HDDC2: variants seen among roughly 807,000 people sequenced by gnomAD.
HDDC2 encodes 5'-deoxynucleotidase HDDC2.
A neutral mutation model predicts 25.5 loss-of-function variants in HDDC2; 25 were observed. The observed-to-expected ratio is 0.98, with a 90% CI of 0.72 to 1.37. The LOEUF (loss-of-function observed/expected upper bound fraction) is 1.37. HDDC2 is among the 40% of genes most tolerant of loss of function. The pLI, the probability that HDDC2 is intolerant of heterozygous loss-of-function variation, is 0.00. For synonymous variants in HDDC2, 106 were observed against 89.7 expected, an observed-to-expected ratio of 1.18 and a Z score of -1.03; for missense variants, 264 against 253.1, an observed-to-expected ratio of 1.04 and a Z score of -0.29.
At position 125,292,858 on chromosome 6, in the gene HDDC2, G is replaced by T. The variant is rs572057387; in HGVS notation, c.361C>A (p.Leu121Ile). The change falls in exon 4 of 6, where the codon CTC becomes ATC. Residue 121 changes from leucine (L) to isoleucine (I), a missense_variant. Physicochemically the swap from Leu to Ile is conservative, Grantham distance 5 (BLOSUM62 2). Coordinates refer to ENST00000398153, the MANE Select transcript of HDDC2 (RefSeq NM_016063.3). ...QLLPEDLRKE[L>I]YELWEEYETQ... ...ATACTTACTTCCCAAAGTTCATAGA[G>T]CTCCTTTCTGAGGTCCTCTGGTAGG... 1 of 1,612,504 alleles carries T rather than the reference G, an allele frequency of 6.2e-7. No individual in the cohort carries two copies. Among genetic ancestry groups the T allele is most frequent in the African/African-American group, 1.3e-5 (1 of 74,966 alleles).
intron 2 of HDDC2, 80 bp from the exon 3 acceptor site, chr6:125,298,896 T>C: frequency 4.8e-6 from 4 of 834,434 alleles, no homozygotes; most frequent in Non-Finnish European, 7.6e-6. Flanking sequence ...TCCAAAGTTA[T>C]ATAATATATA....
At chr6:125,299,567 C>G (rs1440221882) in intron 2 of HDDC2, among the ~76,000 whole-genome samples, 1 of 152,146 alleles carries the variant, frequency 6.6e-6, no homozygotes, top group South Asian at 2.1e-4. Context: ...CCCACACTAC[C>G]AAGGCAGTAC....
intron 4 of HDDC2, among the ~76,000 whole-genome samples, chr6:125,290,405 G>A (rs1391019396): frequency 2.0e-5 from 3 of 152,196 alleles, no homozygotes; most frequent in South Asian, 4.1e-4. Flanking sequence ...TGAAACTTAT[G>A]TACCAACATT....
In HDDC2 at chr6:125,282,636, T is replaced by C. The variant is rs138557133; in HGVS notation, c.379-5396A>G. On this transcript the variant is annotated intron_variant, in intron 4 of 5. Coordinates refer to ENST00000398153, the MANE Select transcript of HDDC2 (RefSeq NM_016063.3). Reference sequence around the variant, plus strand: ...TGGGCAAAATGACCAGCTAGCATCATAATGACAGGATCAAATTCACATGTA... The same window carrying C: ...TGGGCAAAATGACCAGCTAGCATCACAATGACAGGATCAAATTCACATGTA... Among the ~76,000 whole-genome samples the C allele has an allele frequency of 4.9e-4, 75 of 152,316 alleles. No individual in the cohort carries two copies. The East Asian group carries it at 0.013, about 26-fold the overall frequency.
Position 125,276,048 on chromosome 6 carries a change from A to C in HDDC2, c.*98T>G. On this transcript the variant is annotated 3_prime_UTR_variant, in exon 6 of 6. Coordinates refer to ENST00000398153, the MANE Select transcript of HDDC2 (RefSeq NM_016063.3). ...CAGACAATTGAAAACAAACAGACTC[A>C]CATCTAGGGAAATCAACAGACCAAC... is the stretch of plus-strand genomic sequence containing the variant. 1 of 856,316 alleles carries C rather than the reference A, an allele frequency of 1.2e-6. No individual in the cohort carries two copies. The highest frequency in any genetic ancestry group is 1.5e-5 in the South Asian group (1 of 67,098). The allele number at this position is 856,316 out of a possible 1,614,324, so 53.0% of individuals were successfully genotyped here. A position where few individuals can be genotyped will look rare whatever the true frequency, so the allele number is the denominator to read the frequency against.
At chr6:125,300,712 T>G (rs961050664) in intron 1 of HDDC2, 53 bp from the exon 2 acceptor site, 1 of 1,550,934 alleles carries the variant, frequency 6.4e-7, no homozygotes, top group African/African-American at 1.4e-5. Flanking sequence ...ATTAACTATC[T>G]GCTATGCTCT....
At position 125,301,882 on chromosome 6, in the gene HDDC2, T is replaced by C; in HGVS notation, c.51A>G (p.Leu17=). The C allele has an allele frequency of 6.4e-7, 1 of 1,550,914 alleles. No homozygotes were observed. Among genetic ancestry groups the C allele is most frequent in the Non-Finnish European group, 8.7e-7 (1 of 1,149,134 alleles). ...GCCCTACCAGCCGCAGGAACTGCAG[T>C]AGGGACCGAGCCCCGTGGCCCGAGA... ...ATFSGHGARS[L]LQFLRLVGQL... The change falls in exon 1 of 6, where the codon CTA becomes CTG. Residue 17 remains leucine (L), a synonymous_variant. Coordinates refer to ENST00000398153, the MANE Select transcript of HDDC2 (RefSeq NM_016063.3).
In HDDC2 at chr6:125,290,368, G is replaced by A. The variant is rs192757052; in HGVS notation, c.378+2473C>T. 3.6e-3 allele frequency among the ~76,000 whole-genome samples: 544 copies of A among 152,250 alleles called. 3 individuals are homozygous for A. The highest frequency in any genetic ancestry group is 0.023 in the South Asian group (110 of 4,814). On this transcript the variant is annotated intron_variant, in intron 4 of 5. Transcript: ENST00000398153. ...CAAGATCTCACAGCTAGTAAACAGGGGAGCCACTATTTGAACCTTGGAAGT... is the reference window on the plus strand; with the variant it reads ...CAAGATCTCACAGCTAGTAAACAGGAGAGCCACTATTTGAACCTTGGAAGT...
rs1798359345 is a variant in HDDC2 at position 125,275,886 on chromosome 6, A to G, written c.*260T>C. On this transcript the variant is annotated 3_prime_UTR_variant, in exon 6 of 6. Coordinates refer to ENST00000398153, the MANE Select transcript of HDDC2 (RefSeq NM_016063.3). ...TCTCCAATAAATATTCTAATATTTT[A>G]GGTGTTTAATATTTATTTATTTAGT... is the stretch of plus-strand genomic sequence containing the variant. 1 of 414,324 alleles carries G rather than the reference A, an allele frequency of 2.4e-6. No individual in the cohort carries two copies. The highest frequency in any genetic ancestry group is 4.3e-6 in the Non-Finnish European group (1 of 235,102). 25.7% of individuals were successfully genotyped at this position (414,324 alleles called of 1,614,324 possible).
At chr6:125,284,756 C>T (rs934655865) in intron 4 of HDDC2, among the ~76,000 whole-genome samples, 13 of 152,152 alleles carry the variant, frequency 8.5e-5, no homozygotes, top group African/African-American at 2.2e-4. Flanking sequence ...GACAATGTGA[C>T]GATTCCTCAA....
chr6:125,300,491 C>T (rs751036029), intron 2 of HDDC2, 47 bp downstream of exon 2: 3 of 1,599,418 alleles, frequency 1.9e-6, no homozygotes, highest in Non-Finnish European at 2.6e-6. Context: ...GGGTGCACAC[C>T]CATAGACCAG....
chr6:125,299,181 C>T (rs545643274), intron 2 of HDDC2, among the ~76,000 whole-genome samples: 6 of 152,258 alleles, frequency 3.9e-5, no homozygotes, highest in African/African-American at 1.4e-4. Context: ...GTCAGGAGTT[C>T]GAGACCAGCC....
intron 4 of HDDC2, chr6:125,277,980 C>A (rs545904945): frequency 6.6e-6 from 1 of 152,296 alleles, no homozygotes; most frequent in South Asian, 2.1e-4. Context: ...TGCCACCCAA[C>A]CACAAGTCCC....
chr6:125,300,460 A>G (rs1256545006), intron 2 of HDDC2, 78 bp downstream of exon 2: 1 of 1,500,808 alleles, frequency 6.7e-7, no homozygotes, highest in Non-Finnish European at 8.9e-7. Flanking sequence ...AGGATTTGAC[A>G]TGGGTCTCAG....
chr6:125,300,904 TTC>T (rs969907676), intron 1 of HDDC2, among the ~76,000 whole-genome samples: 1 of 88,330 alleles, frequency 1.1e-5, no homozygotes, highest in Non-Finnish European at 2.2e-5. Context: ...CGTCAAATTA[TTC>T]TGTTACTGAT....
intron 2 of HDDC2, 105 bp downstream of exon 2, chr6:125,300,433 C>G (rs962687740): frequency 5.1e-6 from 7 of 1,383,654 alleles, no homozygotes; most frequent in South Asian, 4.6e-5. Context: ...TTTTCTTGAC[C>G]TATAAACTAA....
intron 4 of HDDC2, among the ~76,000 whole-genome samples, chr6:125,280,406 A>G (rs1798439981): frequency 6.6e-6 from 1 of 152,046 alleles, no homozygotes; most frequent in Admixed American, 6.6e-5. Flanking sequence ...ACTCCCCTAG[A>G]AAGGGGGCTG....
intron 5 of HDDC2, chr6:125,276,727 C>G (rs1358142841): frequency 3.7e-6 from 1 of 268,084 alleles, no homozygotes; most frequent in East Asian, 9.0e-5. Flanking sequence ...CTCTACACTT[C>G]AATTGGCTGA....
intron 3 of HDDC2, among the ~76,000 whole-genome samples, chr6:125,295,197 TG>T (rs2115115608): frequency 6.6e-6 from 1 of 152,304 alleles, no homozygotes; most frequent in Admixed American, 6.5e-5. Context: ...AGTTTCACCT[TG>T]TTGTTCAGTC....
Sources: gnomAD v4.1 joint callset for allele counts (sites outside exome capture counted in the v4.1 genomes callset) on GRCh38, gnomAD v4.1.1 for gene constraint, MANE v1.5 for transcripts, NCBI Gene and HGNC (gene_info 2026-07-23, HGNC 2026-07-21) for gene names.